The following DENND5A variants were observed in gnomAD, a reference collection of about 807,000 sequenced individuals.
DENND5A encodes the protein DENN domain containing 5A.
DENND5A carries 64 observed loss-of-function variants against 140.3 expected under a neutral mutation model. The observed-to-expected ratio is 0.46, with a 90% CI of 0.37 to 0.56. DENND5A has a LOEUF of 0.56. DENND5A is among the 20% of genes least tolerant of loss of function. The pLI, the probability that DENND5A is intolerant of heterozygous loss-of-function variation, is 0.00. For missense variants in DENND5A, 1,292 were observed against 1,593.8 expected (o/e 0.81, Z 3.22); for synonymous variants, 605 against 607.7 (o/e 1.00, Z 0.07).
At chr11:9,263,905 A>C (rs1237505351) in intron 1 of DENND5A, among the ~76,000 whole-genome samples, 13 of 152,052 alleles carry the variant, frequency 8.5e-5, no homozygotes, top group Admixed American at 1.3e-4. Flanking sequence ...CCCAAAAACA[A>C]AACTGTCTTG....
intron 5 of DENND5A, among the ~76,000 whole-genome samples, chr11:9,189,097 T>C (rs1336974803): frequency 6.6e-6 from 1 of 152,152 alleles, no homozygotes; most frequent in Non-Finnish European, 1.5e-5. Flanking sequence ...CCTAGGGACT[T>C]GGTGCCCTGC....
intron 1 of DENND5A, among the ~76,000 whole-genome samples, chr11:9,208,207 A>T (rs910101276): frequency 3.3e-5 from 5 of 152,240 alleles, no homozygotes; most frequent in Non-Finnish European, 7.3e-5. Context: ...CTCAGTGTCA[A>T]ATATACAGGA....
chr11:9,238,478 G>A (rs1233586553), intron 1 of DENND5A, among the ~76,000 whole-genome samples: 4 of 150,350 alleles, frequency 2.7e-5, no homozygotes, highest in Non-Finnish European at 4.4e-5. Flanking sequence ...CTGCAGTGGC[G>A]CCATCTCGGC....
intron 3 of DENND5A, 41 bp from the exon 4 acceptor site, chr11:9,204,358 C>T: frequency 2.6e-6 from 4 of 1,568,154 alleles, no homozygotes; most frequent in African/African-American, 1.3e-5. Context: ...AGAACACTCA[C>T]TGGCGATCCT....
intron 1 of DENND5A, among the ~76,000 whole-genome samples, chr11:9,218,801 T>G (rs1416815322): frequency 1.3e-5 from 2 of 151,668 alleles, no homozygotes; most frequent in African/African-American, 4.8e-5. Flanking sequence ...AGGTCAGGAG[T>G]GCAAGACCAA....
chr11:9,262,977 G>C (rs1299641303), intron 1 of DENND5A, among the ~76,000 whole-genome samples: 1 of 152,124 alleles, frequency 6.6e-6, no homozygotes, highest in African/African-American at 2.4e-5. Flanking sequence ...TCCTGACTTC[G>C]TGATCCGCCC....
intron 1 of DENND5A, among the ~76,000 whole-genome samples, chr11:9,224,804 G>A (rs935932120): frequency 1.1e-4 from 16 of 148,410 alleles, no homozygotes; most frequent in African/African-American, 3.2e-4. Flanking sequence ...GTTGCAGTGA[G>A]CCAAGATCGC....
At chr11:9,255,560 C>T (rs1851909947) in intron 1 of DENND5A, among the ~76,000 whole-genome samples, 2 of 150,824 alleles carry the variant, frequency 1.3e-5, no homozygotes, top group African/African-American at 2.4e-5. Flanking sequence ...GGTAAAACCC[C>T]GTTTCTACTA....
At chr11:9,155,521 G>A (rs1254333093) in intron 12 of DENND5A, among the ~76,000 whole-genome samples, 1 of 152,200 alleles carries the variant, frequency 6.6e-6, no homozygotes, top group Non-Finnish European at 1.5e-5. Context: ...CAGCTGGGCT[G>A]CTCTTTGGTC....
At chr11:9,167,475 TAAAAAAAAA>T (rs547949319) in intron 10 of DENND5A, among the ~76,000 whole-genome samples, 1 of 119,450 alleles carries the variant, frequency 8.4e-6, no homozygotes, top group Non-Finnish European at 1.7e-5. Flanking sequence ...GATGAAAGAT[TAAAAAAAAA>T]AAAAAAAAGA....
chr11:9,189,501 G>A (rs1460230875), intron 5 of DENND5A, among the ~76,000 whole-genome samples: 2 of 152,142 alleles, frequency 1.3e-5, no homozygotes, highest in Non-Finnish European at 2.9e-5. Context: ...AAAAGCCACA[G>A]ACACTCAACG....
At chr11:9,187,208 T>C (rs931893739) in intron 5 of DENND5A, among the ~76,000 whole-genome samples, 5 of 152,150 alleles carry the variant, frequency 3.3e-5, no homozygotes, top group African/African-American at 1.2e-4. Flanking sequence ...CCTCCCATCA[T>C]ACAGAGGGGC....
Position 9,203,857 on chromosome 11 carries a change from A to C in DENND5A, c.752T>G (p.Val251Gly). ...ESYIYNVLYE[V>G]PLPPPGRSLK... ...GGACCGGCCAGGAGGTGGGAGCGGC[A>C]CCTCGTAGAGTACGTTGTATATGTA... The change falls in exon 4 of 23, where the codon GTG becomes GGG. Residue 251 changes from valine (V) to glycine (G), a missense_variant. By Grantham distance (109) the Val-to-Gly change is moderately radical (BLOSUM62 -3). Transcript: ENST00000328194. 1 of 1,614,108 alleles carries C rather than the reference A, an allele frequency of 6.2e-7. No homozygotes were observed. The highest frequency in any genetic ancestry group is 8.5e-7 in the Non-Finnish European group (1 of 1,180,014).
At chr11:9,143,373 G>A in intron 20 of DENND5A, 30 bp downstream of exon 20, 2 of 1,566,954 alleles carry the variant, frequency 1.3e-6, no homozygotes, top group Non-Finnish European at 8.8e-7. Context: ...TTCAATGTAA[G>A]GCCCTGGATT....
intron 3 of DENND5A, among the ~76,000 whole-genome samples, chr11:9,206,209 CAT>C (rs1448625840): frequency 1.3e-5 from 2 of 152,132 alleles, no homozygotes; most frequent in Non-Finnish European, 2.9e-5. Flanking sequence ...TATTCTTCCA[CAT>C]GAGATTTTTA....
Position 9,147,011 on chromosome 11 carries a change from G to C in DENND5A, c.2857+19C>G, listed in dbSNP as rs1285626904. 1 of 1,613,948 alleles carries C rather than the reference G, an allele frequency of 6.2e-7. No homozygotes were observed. The highest frequency in any genetic ancestry group is 8.5e-7 in the Non-Finnish European group (1 of 1,179,904). ...AAGACTGCCTTGAGAAGGCCAGCTG[G>C]GAGCACAGGGCTACTCACGGATAGT... On this transcript the variant is annotated intron_variant, in intron 16 of 22. Transcript: ENST00000328194.
At chr11:9,207,530 T>C (rs752790991) in intron 2 of DENND5A, 31 bp downstream of exon 2, 6 of 1,527,110 alleles carry the variant, frequency 3.9e-6, no homozygotes, top group Admixed American at 1.7e-5. Flanking sequence ...TTAGAAAGCT[T>C]TGGGTGTTCT....
At chr11:9,151,880 C>T (rs752644287) in intron 13 of DENND5A, among the ~76,000 whole-genome samples, 26 of 152,326 alleles carry the variant, frequency 1.7e-4, no homozygotes, top group Non-Finnish European at 2.9e-4. Flanking sequence ...TTGCCACAAA[C>T]TCTGACATTT....
At chr11:9,154,420 A>T (rs889743043) in intron 12 of DENND5A, among the ~76,000 whole-genome samples, 6 of 152,168 alleles carry the variant, frequency 3.9e-5, no homozygotes, top group African/African-American at 1.4e-4. Context: ...CTTTCTGAGG[A>T]AAATTTTGTG....
Sources: gnomAD v4.1 joint callset for allele counts (sites outside exome capture counted in the v4.1 genomes callset) on GRCh38, gnomAD v4.1.1 for gene constraint, MANE v1.5 for transcripts, NCBI Gene and HGNC (gene_info 2026-07-23, HGNC 2026-07-21) for gene names.